The following DYNC2I1 variants were observed in gnomAD, a reference collection of about 807,000 sequenced individuals.
DYNC2I1 encodes the protein dynein 2 intermediate chain 1.
Under a neutral mutation model 133.4 loss-of-function variants are expected in DYNC2I1, and 89 were observed. The ratio of observed to expected loss-of-function variants is 0.67; its 90% confidence interval spans 0.56 to 0.80. The LOEUF (loss-of-function observed/expected upper bound fraction) is 0.80, where lower values mean the gene tolerates loss of function less well. Among genes scored for constraint, DYNC2I1 ranks in the 30% least tolerant of loss-of-function variants. DYNC2I1 has a pLI of 0.00. For synonymous variants in DYNC2I1, 504 were observed against 484.3 expected, an observed-to-expected ratio of 1.04 and a Z score of -0.54; for missense variants, 1,291 against 1,314.5, an observed-to-expected ratio of 0.98 and a Z score of 0.28.
intron 1 of DYNC2I1, 71 bp from the exon 2 acceptor site, chr7:158,869,784 G>T: frequency 8.2e-7 from 1 of 1,226,178 alleles, no homozygotes; most frequent in South Asian, 1.4e-5. Context: ...ATGGCATAAT[G>T]AAAAAGCAGC....
At chr7:158,928,333 C>A (rs182183776) in intron 20 of DYNC2I1, among the ~76,000 whole-genome samples, 264 of 152,298 alleles carry the variant, frequency 1.7e-3, no homozygotes, top group African/African-American at 6.2e-3. Flanking sequence ...GACAAACCCC[C>A]CTTTCACCTT....
chr7:158,875,884 T>C (rs710421), intron 3 of DYNC2I1, among the ~76,000 whole-genome samples: 65,734 of 152,110 alleles, frequency 0.43, 15,215 homozygotes, highest in East Asian at 0.7. Flanking sequence ...CTGCGTGATA[T>C]GCAGAAACCC....
At position 158,889,636 on chromosome 7, in the gene DYNC2I1, A is replaced by G. The variant is rs28485190; in HGVS notation, c.991-1629A>G. 3.0e-3 allele frequency among the ~76,000 whole-genome samples: 452 copies of G among 152,198 alleles called. 7 individuals are homozygous for G. Among genetic ancestry groups the G allele is most frequent in the African/African-American group, 9.7e-3 (401 of 41,516 alleles). Reference sequence around the variant, plus strand: ...TTATTTTGTATTTTTATTGAAAAAAATAGGCCAGATGTTCGAGACCAGCCT... The same window carrying G: ...TTATTTTGTATTTTTATTGAAAAAAGTAGGCCAGATGTTCGAGACCAGCCT... On this transcript the variant is annotated intron_variant, in intron 7 of 24. Coordinates refer to ENST00000407559, the MANE Select transcript of DYNC2I1 (RefSeq NM_018051.5).
intron 1 of DYNC2I1, among the ~76,000 whole-genome samples, chr7:158,863,510 G>C (rs547711659): frequency 1.1e-3 from 167 of 151,986 alleles, no homozygotes; most frequent in Middle Eastern, 3.4e-3. Context: ...GCTGAGTCAA[G>C]AGGTCATAAA....
intron 10 of DYNC2I1, chr7:158,902,978 C>T (rs1846392186): frequency 5.3e-6 from 1 of 187,282 alleles, no homozygotes; most frequent in Non-Finnish European, 1.1e-5. Context: ...AAGCCTGACT[C>T]ATGTTTTCTT....
intron 1 of DYNC2I1, among the ~76,000 whole-genome samples, chr7:158,857,543 T>G (rs893613795): frequency 9.4e-5 from 14 of 148,174 alleles, no homozygotes; most frequent in East Asian, 2.0e-4. Context: ...GGTTTTTGTT[T>G]TTTTTTTTTT....
chr7:158,871,279 G>C lies in DYNC2I1; in HGVS notation c.207G>C (p.Arg69Ser). ...DPDQDARSRD[R>S]VAEVHTAKES... ...ACCAGGATGCCAGGAGCAGAGACAGGGTGGCCGAAGTCCACACCGCTAAGG... is the reference window on the plus strand; with the variant it reads ...ACCAGGATGCCAGGAGCAGAGACAGCGTGGCCGAAGTCCACACCGCTAAGG... The change falls in exon 3 of 25, where the codon AGG becomes AGC. Residue 69 changes from arginine (R) to serine (S), a missense_variant. Physicochemically the swap from Arg to Ser is moderately radical, Grantham distance 110. Coordinates refer to ENST00000407559, the MANE Select transcript of DYNC2I1 (RefSeq NM_018051.5). 1.3e-6 allele frequency: 2 copies of C among 1,594,176 alleles called. No homozygotes were observed. Among genetic ancestry groups the C allele is most frequent in the Non-Finnish European group, 1.7e-6 (2 of 1,169,736 alleles).
At chr7:158,914,016 T>G (rs1205528674) in intron 13 of DYNC2I1, among the ~76,000 whole-genome samples, 1 of 152,156 alleles carries the variant, frequency 6.6e-6, no homozygotes, top group Non-Finnish European at 1.5e-5. Context: ...GGCCTGAATG[T>G]TTTTCTAAAT....
chr7:158,877,101 G>A (rs185146121), intron 4 of DYNC2I1, among the ~76,000 whole-genome samples: 47 of 152,350 alleles, frequency 3.1e-4, no homozygotes, highest in African/African-American at 1.1e-3. Flanking sequence ...GAGTGATCCT[G>A]TCTCTCCCCG....
intron 8 of DYNC2I1, among the ~76,000 whole-genome samples, chr7:158,895,185 A>C (rs1188786380): frequency 6.6e-6 from 1 of 152,056 alleles, no homozygotes; most frequent in Non-Finnish European, 1.5e-5. Flanking sequence ...TCTTTCATGG[A>C]TTATGCTTTT....
In DYNC2I1 at chr7:158,910,620, C is replaced by G. The variant is rs781321952; in HGVS notation, c.1461-930C>G. ...GTGTCAGGCCTGTGGGCCGAGGGCA[C>G]TTGGCTGTGTCAGGCCTGTGGGCCG... is the stretch of plus-strand genomic sequence containing the variant. On this transcript the variant is annotated intron_variant, in intron 11 of 24. Coordinates refer to ENST00000407559, the MANE Select transcript of DYNC2I1 (RefSeq NM_018051.5). 5.9e-5 allele frequency among the ~76,000 whole-genome samples: 6 copies of G among 101,920 alleles called. No individual in the cohort carries two copies. The East Asian group carries it at 2.0e-3, about 33-fold the overall frequency. 66.9% of individuals were successfully genotyped at this position (101,920 alleles called of 152,430 possible). A position where few individuals can be genotyped will look rare whatever the true frequency, so the allele number is the denominator to read the frequency against.
intron 1 of DYNC2I1, among the ~76,000 whole-genome samples, chr7:158,867,176 T>G (rs1461865044): frequency 6.6e-6 from 1 of 152,162 alleles, no homozygotes; most frequent in African/African-American, 2.4e-5. Flanking sequence ...GGTTTATCAT[T>G]AAGCTCTGTT....
chr7:158,886,241 C>T (rs1844589675), intron 6 of DYNC2I1, among the ~76,000 whole-genome samples: 1 of 152,028 alleles, frequency 6.6e-6, no homozygotes, highest in African/African-American at 2.4e-5. Context: ...AGCAAATTCC[C>T]CTGCCTCAGC....
chr7:158,889,036 T>TACACACACACACAC (rs71200077), intron 7 of DYNC2I1, among the ~76,000 whole-genome samples: 71 of 141,298 alleles, frequency 5.0e-4, no homozygotes, highest in African/African-American at 1.5e-3. Flanking sequence ...TTTAAACATT[T>TACACACACACACAC]ACACACACAC....
At chr7:158,851,357 A>AC in the DYNC2I1 span, among the ~76,000 whole-genome samples, 70 of 152,070 alleles carry the variant, frequency 4.6e-4, no homozygotes, top group Non-Finnish European at 8.7e-4. Flanking sequence ...ACATGACGAA[A>AC]CCCCATCTCT....
intron 14 of DYNC2I1, among the ~76,000 whole-genome samples, chr7:158,915,309 G>C (rs62476473): frequency 0.05 from 636 of 12,714 alleles, no homozygotes; most frequent in East Asian, 0.12. Flanking sequence ...TGTGAAACCT[G>C]GACACGCTGG....
At chr7:158,926,123 G>T in intron 17 of DYNC2I1, 64 bp from the exon 18 acceptor site, 1 of 1,273,540 alleles carries the variant, frequency 7.9e-7, no homozygotes, top group Non-Finnish European at 1.1e-6. Context: ...GTCCCTGTGT[G>T]ATGCGAACTG....
intron 23 of DYNC2I1, among the ~76,000 whole-genome samples, chr7:158,940,304 TCA>T (rs1472733821): frequency 2.6e-5 from 4 of 152,068 alleles, no homozygotes; most frequent in African/African-American, 9.7e-5. Flanking sequence ...CATACACAGT[TCA>T]CAATAGGGTT....
intron 15 of DYNC2I1, among the ~76,000 whole-genome samples, 182 bp from the exon 16 acceptor site, chr7:158,922,195 G>A (rs1055858011): frequency 6.6e-6 from 1 of 152,352 alleles, no homozygotes; most frequent in African/African-American, 2.4e-5. Flanking sequence ...AGCTTGGACA[G>A]AGTGTTGGGG....
Sources: allele counts gnomAD v4.1 joint callset (sites outside exome capture counted in the v4.1 genomes callset), GRCh38; gene constraint gnomAD v4.1.1; transcripts MANE v1.5; gene names NCBI Gene and HGNC (gene_info 2026-07-23, HGNC 2026-07-21).